Variants in GNA14 observed in about 807,000 individuals in gnomAD.
GNA14 encodes the protein guanine nucleotide-binding protein subunit alpha-14.
A neutral mutation model predicts 42.0 loss-of-function variants in GNA14; 50 were observed. The ratio of observed to expected loss-of-function variants is 1.19; its 90% CI spans 0.95 to 1.51. The LOEUF is 1.51. GNA14 is among the 40% of genes most tolerant of loss of function. The pLI, the probability that GNA14 is intolerant of heterozygous loss-of-function variation, is 0.00. For synonymous variants in GNA14, 173 were observed against 163.1 expected (o/e 1.06, Z -0.46); for missense variants, 473 against 446.2 (o/e 1.06, Z -0.54).
At chr9:77,483,361 G>A (rs568803134) in intron 2 of GNA14, among the ~76,000 whole-genome samples, 28 of 152,272 alleles carry the variant, frequency 1.8e-4, no homozygotes, top group South Asian at 6.2e-4. Context: ...AGTGGCTGCC[G>A]AACAGCGGTG....
intron 1 of GNA14, among the ~76,000 whole-genome samples, chr9:77,567,049 G>A (rs1322805119): frequency 1.3e-5 from 2 of 151,920 alleles, no homozygotes; most frequent in East Asian, 1.9e-4. Flanking sequence ...CCTGGGCCCA[G>A]TATCTGTTCT....
At chr9:77,491,897 T>A (rs1836782945) in intron 2 of GNA14, among the ~76,000 whole-genome samples, 1 of 152,178 alleles carries the variant, frequency 6.6e-6, no homozygotes, top group Admixed American at 6.5e-5. Flanking sequence ...TTTTCCAGAA[T>A]AAACCATGTC....
intron 2 of GNA14, among the ~76,000 whole-genome samples, chr9:77,443,498 T>A (rs1225297519): frequency 1.3e-5 from 2 of 152,146 alleles, no homozygotes; most frequent in African/African-American, 4.8e-5. Flanking sequence ...TCCCACACAC[T>A]CAGAATAGAA....
At chr9:77,511,381 C>T (rs113296214) in intron 2 of GNA14, among the ~76,000 whole-genome samples, 23 of 152,280 alleles carry the variant, frequency 1.5e-4, no homozygotes, top group African/African-American at 5.5e-4. Flanking sequence ...AGCTCTGCTC[C>T]CTATGGGTCC....
At chr9:77,529,912 T>G (rs1837503482) in intron 1 of GNA14, among the ~76,000 whole-genome samples, 1 of 152,156 alleles carries the variant, frequency 6.6e-6, no homozygotes, top group Admixed American at 6.5e-5. Context: ...CATATTAGAT[T>G]GAGAGTTTAT....
chr9:77,427,805 G>C (rs1382319184), intron 5 of GNA14, among the ~76,000 whole-genome samples: 1 of 152,184 alleles, frequency 6.6e-6, no homozygotes, highest in Non-Finnish European at 1.5e-5. Context: ...CCCAGGAGAC[G>C]TGAAGGCAGA....
chr9:77,527,565 A>G (rs1837459691), intron 2 of GNA14, among the ~76,000 whole-genome samples: 1 of 152,222 alleles, frequency 6.6e-6, no homozygotes, highest in South Asian at 2.1e-4. Flanking sequence ...AATTCTTCCA[A>G]TGTGGCCCAG....
At chr9:77,587,568 G>A (rs1160100511) in intron 1 of GNA14, among the ~76,000 whole-genome samples, 1 of 150,262 alleles carries the variant, frequency 6.7e-6, no homozygotes, top group Non-Finnish European at 1.5e-5. Context: ...ACATAAGATT[G>A]GATTTCTATG....
At chr9:77,561,267 A>G (rs1176606342) in intron 1 of GNA14, among the ~76,000 whole-genome samples, 1 of 152,214 alleles carries the variant, frequency 6.6e-6, no homozygotes, top group Non-Finnish European at 1.5e-5. Flanking sequence ...GTTTTAATCT[A>G]TCCCATTCTG....
chr9:77,462,184 C>G (rs537656226), intron 2 of GNA14, among the ~76,000 whole-genome samples: 3 of 152,134 alleles, frequency 2.0e-5, no homozygotes, highest in Non-Finnish European at 4.4e-5. Flanking sequence ...CAGATGTTCA[C>G]CAGTCTTTGC....
At chr9:77,528,956 G>T in intron 2 of GNA14, 113 bp downstream of exon 2, 1 of 887,972 alleles carries the variant, frequency 1.1e-6, no homozygotes, top group Non-Finnish European at 1.8e-6. Flanking sequence ...CCACACCCCA[G>T]GGAACAAGAG....
chr9:77,450,889 G>T (rs1222017528), intron 2 of GNA14, among the ~76,000 whole-genome samples: 1 of 151,874 alleles, frequency 6.6e-6, no homozygotes, highest in East Asian at 1.9e-4. Context: ...TTTTATAAAG[G>T]GCATTTCCCC....
intron 2 of GNA14, among the ~76,000 whole-genome samples, chr9:77,519,374 A>G (rs113521744): frequency 0.012 from 1,877 of 152,116 alleles, 48 homozygotes; most frequent in African/African-American, 0.042. Context: ...TTGCGCCACT[A>G]CACTCCAGCC....
In GNA14 at chr9:77,453,039, C is replaced by A. The variant is rs572214223; in HGVS notation, c.310-18517G>T. Reference sequence around the variant, plus strand: ...CCTGCAGTCCCAGCTACTTGAGAGGCTGAGGCAGGAGGATGGCGTCAGCCC... The same window carrying A: ...CCTGCAGTCCCAGCTACTTGAGAGGATGAGGCAGGAGGATGGCGTCAGCCC... On this transcript the variant is annotated intron_variant, in intron 2 of 6. Transcript: ENST00000341700. 1.8e-3 allele frequency among the ~76,000 whole-genome samples: 281 copies of A among 152,268 alleles called. 1 individual carries two copies. Among genetic ancestry groups the A allele is most frequent in the African/African-American group, 6.2e-3 (258 of 41,552 alleles).
chr9:77,473,000 A>T (rs1384171061), intron 2 of GNA14, among the ~76,000 whole-genome samples: 1 of 152,230 alleles, frequency 6.6e-6, no homozygotes, highest in Admixed American at 6.5e-5. Flanking sequence ...AGCAGCCTGA[A>T]CTGACTAAAA....
intron 1 of GNA14, chr9:77,635,310 A>C (rs1324686876): frequency 6.6e-6 from 1 of 152,208 alleles, no homozygotes; most frequent in Non-Finnish European, 1.5e-5. Context: ...AAGTGAGTGC[A>C]TGGTCACTAT....
At chr9:77,489,400 T>G (rs1836718244) in intron 2 of GNA14, among the ~76,000 whole-genome samples, 2 of 152,124 alleles carry the variant, frequency 1.3e-5, no homozygotes, top group South Asian at 4.1e-4. Flanking sequence ...GAGAAAGAGA[T>G]AAATATCAGA....
At chr9:77,633,908 C>T (rs1824138129) in intron 1 of GNA14, among the ~76,000 whole-genome samples, 1 of 152,104 alleles carries the variant, frequency 6.6e-6, no homozygotes, top group South Asian at 2.1e-4. Flanking sequence ...GATTAAAGTA[C>T]CCAGAATAAT....
intron 1 of GNA14, among the ~76,000 whole-genome samples, chr9:77,623,007 T>C (rs1823953203): frequency 6.7e-6 from 1 of 148,736 alleles, no homozygotes; most frequent in Non-Finnish European, 1.5e-5. Flanking sequence ...CTGAGGTCAG[T>C]AGTTTAAGAC....
Sources: gnomAD v4.1 joint callset for allele counts (sites outside exome capture counted in the v4.1 genomes callset) on GRCh38, gnomAD v4.1.1 for gene constraint, MANE v1.5 for transcripts, NCBI Gene and HGNC (gene_info 2026-07-23, HGNC 2026-07-21) for gene names.